The following TIMMDC1 variants were observed in gnomAD, a reference collection of about 807,000 sequenced individuals.
TIMMDC1 encodes the protein translocase of inner mitochondrial membrane domain containing 1, also known as complex I assembly factor TIMMDC1, mitochondrial.
TIMMDC1 carries 25 observed loss-of-function variants against 32.6 expected under a neutral mutation model. That is an observed-to-expected ratio of 0.77 (90% CI 0.56 to 1.07). The LOEUF is 1.07. Ranked by LOEUF, TIMMDC1 falls within the 50% of genes least tolerant of loss-of-function variation. The pLI, the probability that TIMMDC1 is intolerant of heterozygous loss-of-function variation, is 0.00. For missense variants in TIMMDC1, 329 were observed against 349.2 expected, an observed-to-expected ratio of 0.94 and a Z score of 0.46; for synonymous variants, 130 against 127.6, an observed-to-expected ratio of 1.02 and a Z score of -0.13.
chr3:119,519,318 A>AT (rs1484699555), intron 6 of TIMMDC1, among the ~76,000 whole-genome samples: 3 of 152,200 alleles, frequency 2.0e-5, no homozygotes, highest in Non-Finnish European at 4.4e-5. Context: ...GGCTGAATGA[A>AT]TAAAAAAAAG....
chr3:119,505,505 A>G (rs1263583274), intron 4 of TIMMDC1, among the ~76,000 whole-genome samples: 2 of 152,070 alleles, frequency 1.3e-5, no homozygotes, highest in African/African-American at 4.8e-5. Flanking sequence ...AGCTGGGATT[A>G]CAGGCATGCG....
chr3:119,519,248 A>T (rs1404528752), intron 6 of TIMMDC1, among the ~76,000 whole-genome samples: 1 of 152,218 alleles, frequency 6.6e-6, no homozygotes, highest in Admixed American at 6.5e-5. Flanking sequence ...GTAAATCCAC[A>T]CCTATCAATA....
At chr3:119,510,112 A>G (rs1383017832) in intron 4 of TIMMDC1, among the ~76,000 whole-genome samples, 4 of 152,206 alleles carry the variant, frequency 2.6e-5, no homozygotes. Flanking sequence ...GCTTTTAGAT[A>G]GGAGGAAGCA....
intron 1 of TIMMDC1, 78 bp downstream of exon 1, chr3:119,499,005 C>T (rs967347321): frequency 5.2e-5 from 65 of 1,243,174 alleles, no homozygotes; most frequent in Non-Finnish European, 7.1e-5. Flanking sequence ...CTGGGTCAGC[C>T]TTAGGACACC....
At chr3:119,508,958 C>A (rs911199804) in intron 4 of TIMMDC1, among the ~76,000 whole-genome samples, 1 of 152,140 alleles carries the variant, frequency 6.6e-6, no homozygotes, top group African/African-American at 2.4e-5. Context: ...GTAATCCCAG[C>A]GATTTGGGAG....
intron 5 of TIMMDC1, among the ~76,000 whole-genome samples, chr3:119,515,985 A>G (rs1307969362): frequency 6.6e-6 from 1 of 152,252 alleles, no homozygotes; most frequent in African/African-American, 2.4e-5. Flanking sequence ...TGAATTAAAT[A>G]AAATCAGCAT....
In TIMMDC1 at chr3:119,500,793, T is replaced by C. The variant is rs1228951974; in HGVS notation, c.293T>C (p.Ile98Thr). 2 of 1,614,028 alleles carry C rather than the reference T, an allele frequency of 1.2e-6. No homozygotes were observed. Among genetic ancestry groups the C allele is most frequent in the Middle Eastern group, 1.6e-4 (1 of 6,084 alleles). Residue 98 changes from isoleucine (I) to threonine (T), a missense_variant, in exon 2 of 7, where the codon ATT becomes ACT. By Grantham distance (89) the Ile-to-Thr change is moderately conservative. Coordinates refer to ENST00000494664, the MANE Select transcript of TIMMDC1 (RefSeq NM_016589.4). ...GTGTATGGGGGAATACCAGCTTTTA[T>C]TCATGCTAAACAACAATACATTGAG... is the stretch of plus-strand genomic sequence containing the variant. Reference protein sequence around the residue: ...GWVYGGIPAFIHAKQQYIEQS... With the variant: ...GWVYGGIPAFTHAKQQYIEQS...
chr3:119,500,871 G>T lies in TIMMDC1; in HGVS notation c.360+11G>T. On this transcript the variant is annotated intron_variant, in intron 2 of 6. Transcript: ENST00000494664. ...CGGTTTGATGCTGTGGTATGTACTGGTGATCTAAAGAAATTTGGGGCACAC... is the reference window on the plus strand; with the variant it reads ...CGGTTTGATGCTGTGGTATGTACTGTTGATCTAAAGAAATTTGGGGCACAC... 1 of 1,603,852 alleles carries T rather than the reference G, an allele frequency of 6.2e-7. No homozygotes were observed. The highest frequency in any genetic ancestry group is 1.3e-5 in the African/African-American group (1 of 74,574).
chr3:119,505,858 C>G (rs1400431624), intron 4 of TIMMDC1, among the ~76,000 whole-genome samples: 2 of 152,188 alleles, frequency 1.3e-5, no homozygotes, highest in Non-Finnish European at 2.9e-5. Context: ...TGCACTCTCC[C>G]TCTTCTCTGT....
At position 119,514,500 on chromosome 3, in the gene TIMMDC1, A is replaced by G. The variant is rs562557039; in HGVS notation, c.596+781A>G. On this transcript the variant is annotated intron_variant, in intron 5 of 6. Coordinates refer to ENST00000494664, the MANE Select transcript of TIMMDC1 (RefSeq NM_016589.4). ...AACTATCTAAGTTAGGGTCTATATT[A>G]AAAACTCCTCAGTTATCATACTAAT... is the stretch of plus-strand genomic sequence containing the variant. 5.3e-5 allele frequency among the ~76,000 whole-genome samples: 8 copies of G among 152,304 alleles called. No individual in the cohort carries two copies. In the East Asian group the frequency reaches 1.3e-3, roughly 26 times the overall value.
At chr3:119,500,583 A>G (rs1047214787) in intron 1 of TIMMDC1, 112 bp from the exon 2 acceptor site, 11 of 906,020 alleles carry the variant, frequency 1.2e-5, no homozygotes, top group African/African-American at 1.2e-4. Context: ...AATTCTACCT[A>G]TGATGAAAAA....
Position 119,517,170 on chromosome 3 carries a change from G to T in TIMMDC1, c.597-35G>T, listed in dbSNP as rs4461452. On this transcript the variant is annotated intron_variant, in intron 5 of 6. Transcript: ENST00000494664. Reference sequence around the variant, plus strand: ...CACATGTTGCAAGGTCTAATGACTCGTTTTTCCTAAGCTTTCCCTCTCCTT... The same window carrying T: ...CACATGTTGCAAGGTCTAATGACTCTTTTTTCCTAAGCTTTCCCTCTCCTT... 438,811 of 1,439,782 alleles carry T rather than the reference G, an allele frequency of 0.3. 69,810 individuals carry two copies. The highest frequency in any genetic ancestry group is 0.54 in the African/African-American group (38,001 of 70,644). The allele number at this position is 1,439,782 out of a possible 1,614,324, so 89.2% of individuals were successfully genotyped here.
At chr3:119,504,154 T>A (rs2081900368) in intron 4 of TIMMDC1, 133 bp downstream of exon 4, 1 of 666,640 alleles carries the variant, frequency 1.5e-6, no homozygotes, top group African/African-American at 1.8e-5. Context: ...ATGCAAAATG[T>A]ATTTATGGAC....
At chr3:119,500,431 T>C in intron 1 of TIMMDC1, 1 of 353,196 alleles carries the variant, frequency 2.8e-6, no homozygotes, top group South Asian at 6.2e-5. Flanking sequence ...GCAACTATTG[T>C]AACATCCCAA....
intron 5 of TIMMDC1, among the ~76,000 whole-genome samples, chr3:119,514,925 C>A (rs999924115): frequency 6.6e-6 from 1 of 152,116 alleles, no homozygotes; most frequent in Admixed American, 6.5e-5. Context: ...CACAGTGGCT[C>A]ACACCTGTAA....
intron 6 of TIMMDC1, 110 bp from the exon 7 acceptor site, chr3:119,523,496 T>G (rs567884083): frequency 5.5e-6 from 6 of 1,088,850 alleles, no homozygotes; most frequent in South Asian, 3.6e-5. Flanking sequence ...GCTTCTAAAT[T>G]GCTATACCAA....
intron 3 of TIMMDC1, 68 bp downstream of exon 3, chr3:119,503,688 C>A: frequency 7.7e-7 from 1 of 1,300,694 alleles, no homozygotes; most frequent in Non-Finnish European, 1.1e-6. Context: ...GTCTTTTGAG[C>A]AGGTGGGGTT....
chr3:119,503,893 CAAG>C, intron 3 of TIMMDC1, 58 bp from the exon 4 acceptor site: 4 of 1,408,120 alleles, frequency 2.8e-6, no homozygotes, highest in Non-Finnish European at 4.0e-6. Flanking sequence ...AAATAACACT[CAAG>C]AAGGTAAATG....
intron 4 of TIMMDC1, among the ~76,000 whole-genome samples, chr3:119,510,605 A>G (rs1276786560): frequency 6.6e-6 from 1 of 152,230 alleles, no homozygotes; most frequent in African/African-American, 2.4e-5. Context: ...ATGGAATTGC[A>G]AGGTCAGGAA....
Sources: gnomAD v4.1 joint callset for allele counts (sites outside exome capture counted in the v4.1 genomes callset) on GRCh38, gnomAD v4.1.1 for gene constraint, MANE v1.5 for transcripts, NCBI Gene and HGNC (gene_info 2026-07-23, HGNC 2026-07-21) for gene names.